The following KIF26B variants were observed in gnomAD, a reference collection of about 807,000 sequenced individuals.
The protein encoded by KIF26B is kinesin-like protein KIF26B.
KIF26B carries 63 observed loss-of-function variants against 151.2 expected under a neutral mutation model. The ratio of observed to expected loss-of-function variants is 0.42; its 90% CI spans 0.34 to 0.51. The LOEUF (loss-of-function observed/expected upper bound fraction) is 0.51. Among genes scored for constraint, KIF26B ranks in the 20% least tolerant of loss-of-function variants. KIF26B has a pLI of 0.07. For synonymous variants in KIF26B, 1,357 were observed against 1,262.1 expected (o/e 1.08, Z -1.59); for missense variants, 2,813 against 2,913.6 (o/e 0.97, Z 0.79).
chr1:245,604,537 G>A (rs1361575228), intron 6 of KIF26B, among the ~76,000 whole-genome samples: 1 of 152,164 alleles, frequency 6.6e-6, no homozygotes, highest in Admixed American at 6.5e-5. Flanking sequence ...CTGACGTTTG[G>A]TCTAACAAAT....
intron 2 of KIF26B, among the ~76,000 whole-genome samples, chr1:245,345,395 A>C (rs1387688489): frequency 3.9e-5 from 6 of 152,172 alleles, no homozygotes; most frequent in Admixed American, 3.9e-4. Context: ...TGCCTCTCCC[A>C]ACAGGAAGCT....
intron 10 of KIF26B, among the ~76,000 whole-genome samples, chr1:245,655,744 G>A (rs183970766): frequency 5.3e-5 from 8 of 152,348 alleles, no homozygotes; most frequent in Non-Finnish European, 4.4e-5. Flanking sequence ...TGCAAGCCGA[G>A]TACTTCTGCT....
chr1:245,480,780 T>TA lies in KIF26B; in HGVS notation c.1167-59971dup, dbSNP rs57127912. Among the ~76,000 whole-genome samples, 399 of 143,472 alleles carry TA rather than the reference T, an allele frequency of 2.8e-3. 2 individuals are homozygous for TA. The highest frequency in any genetic ancestry group is 6.2e-3 in the South Asian group (27 of 4,388). 94.1% of individuals were successfully genotyped at this position (143,472 alleles called of 152,430 possible). A position where few individuals can be genotyped will look rare whatever the true frequency, so the allele number is the denominator to read the frequency against. On this transcript the variant is annotated intron_variant, in intron 4 of 14. Coordinates refer to ENST00000407071, the MANE Select transcript of KIF26B (RefSeq NM_018012.4). ...TTTAATCCTAATACTTTTAAAATGT[T>TA]AAAAAAAAAAAAAAAAGAGAGAGAG...
intron 3 of KIF26B, among the ~76,000 whole-genome samples, chr1:245,370,420 T>C (rs1173845): frequency 0.011 from 1,739 of 151,666 alleles, 18 homozygotes; most frequent in Non-Finnish European, 0.017. Flanking sequence ...ACCTAATATA[T>C]AACCAAACAT....
At chr1:245,600,820 C>T (rs2043388604) in intron 5 of KIF26B, among the ~76,000 whole-genome samples, 1 of 152,088 alleles carries the variant, frequency 6.6e-6, no homozygotes, top group East Asian at 1.9e-4. Context: ...GCCCATATGA[C>T]GGGCATTGTT....
At chr1:245,665,722 A>ATTTTTTATTTT (rs1453889610) in intron 10 of KIF26B, among the ~76,000 whole-genome samples, 34 of 151,792 alleles carry the variant, frequency 2.2e-4, no homozygotes, top group Admixed American at 2.6e-4. Flanking sequence ...TTTATTTTTT[A>ATTTTTTATTTT]TTTTTTTTGA....
intron 12 of KIF26B, among the ~76,000 whole-genome samples, chr1:245,694,681 C>G (rs145017860): frequency 6.6e-6 from 1 of 152,166 alleles, no homozygotes; most frequent in African/African-American, 2.4e-5. Context: ...TGACTGCACG[C>G]AGCTGTCAGC....
intron 3 of KIF26B, among the ~76,000 whole-genome samples, chr1:245,390,943 A>AAAAAAAAAAAAAAACAAAAC (rs1553270131): frequency 8.4e-6 from 1 of 118,410 alleles, no homozygotes; most frequent in East Asian, 2.9e-4. Flanking sequence ...AAAAAAAAAA[A>AAAAAAAAAAAAAAACAAAAC]AAAAAAAAAC....
intron 4 of KIF26B, among the ~76,000 whole-genome samples, chr1:245,517,074 A>G (rs1660985270): frequency 2.0e-5 from 3 of 152,236 alleles, no homozygotes. Flanking sequence ...GAATATAAAA[A>G]TGGGGATGGG....
chr1:245,587,024 C>T (rs2043235250), intron 5 of KIF26B, among the ~76,000 whole-genome samples: 1 of 152,204 alleles, frequency 6.6e-6, no homozygotes, highest in Non-Finnish European at 1.5e-5. Context: ...GGCATGATTG[C>T]CATCCCATCA....
rs74981779 is a variant in KIF26B at position 245,650,912 on chromosome 1, G to A, written c.2258+4632G>A. Among the ~76,000 whole-genome samples, 7 of 152,200 alleles carry A rather than the reference G, an allele frequency of 4.6e-5. No individual in the cohort carries two copies. In the East Asian group the frequency reaches 1.4e-3, roughly 29 times the overall value. On this transcript the variant is annotated intron_variant, in intron 10 of 14. Transcript: ENST00000407071. ...ATGATGCCCGGCACCTCCCTCTCAC[G>A]GGTTTGGTCTATGGTTCAGACCCAG...
At chr1:245,334,011 A>T (rs1229658714) in intron 2 of KIF26B, among the ~76,000 whole-genome samples, 1 of 151,894 alleles carries the variant, frequency 6.6e-6, no homozygotes, top group Non-Finnish European at 1.5e-5. Context: ...AAAAAAAAAA[A>T]TCTCCTCTAC....
intron 2 of KIF26B, among the ~76,000 whole-genome samples, chr1:245,185,460 C>T (rs1373217686): frequency 6.6e-6 from 1 of 152,138 alleles, no homozygotes; most frequent in Non-Finnish European, 1.5e-5. Flanking sequence ...TGGATAAAAT[C>T]GAAAGGTACA....
intron 10 of KIF26B, among the ~76,000 whole-genome samples, chr1:245,659,622 G>A (rs1253718394): frequency 6.6e-6 from 1 of 152,102 alleles, no homozygotes; most frequent in African/African-American, 2.4e-5. Flanking sequence ...CTAAGCATTA[G>A]GGCTAATGCA....
chr1:245,326,161 T>A (rs1406899521), intron 2 of KIF26B, among the ~76,000 whole-genome samples: 1 of 152,184 alleles, frequency 6.6e-6, no homozygotes, highest in African/African-American at 2.4e-5. Context: ...CAGCGCACAC[T>A]GAGCACCGTT....
At chr1:245,662,865 T>A (rs1484837553) in intron 10 of KIF26B, among the ~76,000 whole-genome samples, 2 of 149,198 alleles carry the variant, frequency 1.3e-5, no homozygotes, top group Non-Finnish European at 3.0e-5. Flanking sequence ...TTATTCCAAC[T>A]CTCCTTTCTG....
At chr1:245,232,051 T>C (rs1194779965) in intron 2 of KIF26B, among the ~76,000 whole-genome samples, 2 of 152,190 alleles carry the variant, frequency 1.3e-5, no homozygotes, top group East Asian at 3.8e-4. Flanking sequence ...GAACAAAAGA[T>C]GCAAAACTAC....
At chr1:245,231,824 A>C (rs2103555248) in intron 2 of KIF26B, among the ~76,000 whole-genome samples, 1 of 152,380 alleles carries the variant, frequency 6.6e-6, no homozygotes, top group Non-Finnish European at 1.5e-5. Flanking sequence ...CAAGGATGGA[A>C]CAATGTTTTC....
intron 5 of KIF26B, among the ~76,000 whole-genome samples, chr1:245,594,234 T>A (rs1009843745): frequency 2.0e-5 from 3 of 152,232 alleles, no homozygotes; most frequent in African/African-American, 7.2e-5. Flanking sequence ...AGACATGAAG[T>A]CTTTGCCCAT....
Sources: gnomAD v4.1 joint callset for allele counts (sites outside exome capture counted in the v4.1 genomes callset) on GRCh38, gnomAD v4.1.1 for gene constraint, MANE v1.5 for transcripts, NCBI Gene and HGNC (gene_info 2026-07-23, HGNC 2026-07-21) for gene names.